MAPKAPK5: variants seen among roughly 807,000 people sequenced by gnomAD.
The protein encoded by MAPKAPK5 is MAP kinase-activated protein kinase 5.
A neutral mutation model predicts 65.1 loss-of-function variants in MAPKAPK5; 30 were observed. That is an observed-to-expected ratio of 0.46 (90% confidence interval 0.34 to 0.63). The LOEUF (loss-of-function observed/expected upper bound fraction) is 0.63. Ranked by LOEUF, MAPKAPK5 falls within the 20% of genes least tolerant of loss-of-function variation. The pLI is 0.01. For synonymous variants in MAPKAPK5, 179 were observed against 204.6 expected (o/e 0.87, Z 1.07); for missense variants, 433 against 581.4 (o/e 0.74, Z 2.63).
chr12:111,861,860 A>G (rs2069450167), intron 1 of MAPKAPK5, among the ~76,000 whole-genome samples: 1 of 152,230 alleles, frequency 6.6e-6, no homozygotes, highest in Non-Finnish European at 1.5e-5. Context: ...GCTATATTCC[A>G]ATACACTTTA....
At chr12:111,852,872 C>T (rs2069128400) in intron 1 of MAPKAPK5, among the ~76,000 whole-genome samples, 1 of 152,122 alleles carries the variant, frequency 6.6e-6, no homozygotes, top group East Asian at 1.9e-4. Flanking sequence ...CTCCCAGGTT[C>T]AAGCAATTCT....
In MAPKAPK5 at chr12:111,895,511, G is replaced by T. The variant is rs992967444; in HGVS notation, c.*2450G>T. The T allele has an allele frequency of 1.3e-5, 2 of 150,076 alleles. No homozygotes were observed. The highest frequency in any genetic ancestry group is 4.9e-5 in the African/African-American group (2 of 40,750). The allele number at this position is 150,076 out of a possible 1,614,324, so 9.3% of individuals were successfully genotyped here. A position where few individuals can be genotyped will look rare whatever the true frequency, so the allele number is the denominator to read the frequency against. On this transcript the variant is annotated 3_prime_UTR_variant, in exon 14 of 14. Transcript: ENST00000550735. ...GTTATAAATGGATTTCCTGTAAGGA[G>T]AATATGTCTCCCCCCCACCCCCCAC...
At chr12:111,854,009 C>T (rs75407990) in intron 1 of MAPKAPK5, among the ~76,000 whole-genome samples, 2 of 152,042 alleles carry the variant, frequency 1.3e-5, no homozygotes, top group Admixed American at 6.6e-5. Flanking sequence ...CCACTCAGAC[C>T]CACTTAGTCT....
At chr12:111,890,290 G>C (rs1025283229) in intron 13 of MAPKAPK5, 146 bp downstream of exon 13, 10 of 630,734 alleles carry the variant, frequency 1.6e-5, no homozygotes, top group Non-Finnish European at 2.8e-5. Context: ...TGTGGAATGG[G>C]GGTTAGCTCT....
chr12:111,876,427 A>C (rs759141828), intron 7 of MAPKAPK5, among the ~76,000 whole-genome samples: 4 of 151,918 alleles, frequency 2.6e-5, no homozygotes, highest in Non-Finnish European at 5.9e-5. Flanking sequence ...TATAATTAAC[A>C]TGCATAAAGC....
chr12:111,879,311 T>G (rs1024200988), intron 7 of MAPKAPK5: 2 of 152,142 alleles, frequency 1.3e-5, no homozygotes, highest in African/African-American at 4.8e-5. Context: ...TAACTCACTT[T>G]GTTGTTCTTG....
At chr12:111,863,164 C>G (rs1349482195) in intron 1 of MAPKAPK5, among the ~76,000 whole-genome samples, 1 of 152,126 alleles carries the variant, frequency 6.6e-6, no homozygotes, top group Non-Finnish European at 1.5e-5. Flanking sequence ...TAGATTATAG[C>G]CTAGATAGTG....
chr12:111,851,575 C>T lies in MAPKAPK5; in HGVS notation c.36+8806C>T, dbSNP rs770885446. Among the ~76,000 whole-genome samples, 50 of 152,292 alleles carry T rather than the reference C, an allele frequency of 3.3e-4. 1 individual carries two copies. The highest frequency in any genetic ancestry group is 5.9e-4 in the Non-Finnish European group (40 of 68,036). ...TCCTGGCCTCAAGTGATCTGCCTGC[C>T]TCAGCCTCCCAAAGTGCTGGGATTA... On this transcript the variant is annotated intron_variant, in intron 1 of 13. Transcript: ENST00000550735.
chr12:111,878,714 C>G (rs1172817187), intron 7 of MAPKAPK5, among the ~76,000 whole-genome samples: 1 of 152,126 alleles, frequency 6.6e-6, no homozygotes, highest in Non-Finnish European at 1.5e-5. Flanking sequence ...CCACCATGCC[C>G]CGCCTTAATT....
intron 5 of MAPKAPK5, 63 bp downstream of exon 5, chr12:111,868,924 T>C (rs2069694377): frequency 8.2e-7 from 1 of 1,225,720 alleles, no homozygotes. Context: ...ACAATTTCAT[T>C]GGGGGGAAGA....
At chr12:111,880,664 G>A (rs1482973479) in intron 8 of MAPKAPK5, 137 bp downstream of exon 8, 10 of 686,584 alleles carry the variant, frequency 1.5e-5, no homozygotes, top group African/African-American at 8.9e-5. Context: ...AGCCAGACTC[G>A]CAGAAAAGTA....
chr12:111,885,591 A>G (rs2070372943), intron 9 of MAPKAPK5: 1 of 217,620 alleles, frequency 4.6e-6, no homozygotes, highest in Non-Finnish European at 9.1e-6. Context: ...TGTCCTAGAA[A>G]CCTCAGTATG....
intron 8 of MAPKAPK5, among the ~76,000 whole-genome samples, chr12:111,882,461 G>A (rs999604268): frequency 2.0e-5 from 3 of 152,240 alleles, no homozygotes; most frequent in African/African-American, 7.2e-5. Flanking sequence ...TGTGGTGTGA[G>A]GGGGAGTGTG....
intron 11 of MAPKAPK5, 95 bp from the exon 12 acceptor site, chr12:111,888,790 G>C: frequency 2.0e-6 from 3 of 1,529,082 alleles, no homozygotes; most frequent in East Asian, 2.3e-5. Flanking sequence ...TTATTTTTCT[G>C]ATACATCTGT....
At chr12:111,872,318 G>A (rs1025467297) in intron 7 of MAPKAPK5, among the ~76,000 whole-genome samples, 3 of 152,144 alleles carry the variant, frequency 2.0e-5, no homozygotes, top group Admixed American at 1.3e-4. Flanking sequence ...CTGGTAGCGG[G>A]CAGAGTATTA....
chr12:111,878,943 G>A (rs563552524), intron 7 of MAPKAPK5, among the ~76,000 whole-genome samples: 5 of 152,218 alleles, frequency 3.3e-5, no homozygotes, highest in African/African-American at 1.2e-4. Flanking sequence ...TTGAAATCAG[G>A]TAGCGTTGGC....
chr12:111,844,963 A>T (rs2068860625), intron 1 of MAPKAPK5, among the ~76,000 whole-genome samples: 2 of 152,214 alleles, frequency 1.3e-5, no homozygotes, highest in East Asian at 3.8e-4. Flanking sequence ...AGGGCCTTGT[A>T]GGCCATCGTA....
chr12:111,866,551 A>G (rs565625209), intron 3 of MAPKAPK5, among the ~76,000 whole-genome samples: 1 of 152,340 alleles, frequency 6.6e-6, no homozygotes, highest in South Asian at 2.1e-4. Context: ...AGCACAAGGA[A>G]GAGTCAGGTG....
At chr12:111,852,847 G>C (rs12307365) in intron 1 of MAPKAPK5, among the ~76,000 whole-genome samples, 29,725 of 151,946 alleles carry the variant, frequency 0.2, 3,124 homozygotes, top group Middle Eastern at 0.27. Context: ...AATCTCGGCT[G>C]ACGGCAACCT....
Sources: gnomAD v4.1 joint callset for allele counts (sites outside exome capture counted in the v4.1 genomes callset) on GRCh38, gnomAD v4.1.1 for gene constraint, MANE v1.5 for transcripts, NCBI Gene and HGNC (gene_info 2026-07-23, HGNC 2026-07-21) for gene names.